Variants in FGD5 observed in about 807,000 individuals in gnomAD.
FGD5 encodes FYVE, RhoGEF and PH domain containing 5, also known as FYVE, RhoGEF and PH domain-containing protein 5.
Under a neutral mutation model 133.4 loss-of-function variants are expected in FGD5, and 28 were observed. That is an observed-to-expected ratio of 0.21 (90% CI 0.16 to 0.29). The LOEUF is 0.29. FGD5 is among the 10% of genes least tolerant of loss of function. The pLI is 1.00. For missense variants in FGD5, 1,858 were observed against 1,895.2 expected (o/e 0.98, Z 0.36); for synonymous variants, 810 against 776.5 (o/e 1.04, Z -0.72).
chr3:14,928,754 A>C (rs1205756534), intron 18 of FGD5, among the ~76,000 whole-genome samples: 1 of 152,216 alleles, frequency 6.6e-6, no homozygotes, highest in Non-Finnish European at 1.5e-5. Flanking sequence ...AAAAATAATA[A>C]TAATAATTTT....
chr3:14,826,412 C>T (rs985101987), intron 1 of FGD5, among the ~76,000 whole-genome samples: 6 of 152,100 alleles, frequency 3.9e-5, no homozygotes, highest in African/African-American at 9.7e-5. Context: ...CACCGTGGCC[C>T]GAGGAGAGCC....
chr3:14,846,256 A>T (rs971649214), intron 1 of FGD5, among the ~76,000 whole-genome samples: 13 of 151,964 alleles, frequency 8.6e-5, no homozygotes, highest in African/African-American at 3.1e-4. Flanking sequence ...GAGCCAAAAG[A>T]TTGTACTAGT....
Position 14,934,082 on chromosome 3 carries a change from CCTT to C in FGD5, c.*919_*921del, listed in dbSNP as rs1394941890. On this transcript the variant is annotated 3_prime_UTR_variant, in exon 20 of 20. Coordinates refer to ENST00000285046, the MANE Select transcript of FGD5 (RefSeq NM_152536.4). ...GACAACATTGTTTATGGGAATCTAT[CCTT>C]CTTTTAGACACACGGTAATCCTTGG... The C allele has an allele frequency of 3.3e-5, 5 of 152,218 alleles. No individual in the cohort carries two copies. Among genetic ancestry groups the C allele is most frequent in the Admixed American group, 1.3e-4 (2 of 15,280 alleles). 9.4% of individuals were successfully genotyped at this position (152,218 alleles called of 1,614,324 possible).
upstream of FGD5, among the ~76,000 whole-genome samples, chr3:14,815,793 G>C (rs1575183023): frequency 6.6e-6 from 1 of 152,196 alleles, no homozygotes. Flanking sequence ...TGGCAAAAAG[G>C]GGATGGCAGA....
At chr3:14,862,100 T>C (rs1423732694) in intron 1 of FGD5, among the ~76,000 whole-genome samples, 1 of 152,136 alleles carries the variant, frequency 6.6e-6, no homozygotes, top group Non-Finnish European at 1.5e-5. Context: ...GACGCTCACA[T>C]AGTGGCTGTG....
upstream of FGD5, among the ~76,000 whole-genome samples, chr3:14,818,658 C>G (rs1182614554): frequency 2.6e-5 from 4 of 152,234 alleles, no homozygotes; most frequent in Admixed American, 1.3e-4. Context: ...AATGAATGCA[C>G]TGACCTGGAC....
At chr3:14,872,372 G>A (rs920552748) in intron 2 of FGD5, among the ~76,000 whole-genome samples, 1 of 152,206 alleles carries the variant, frequency 6.6e-6, no homozygotes, top group African/African-American at 2.4e-5. Context: ...ATTTGGAGAA[G>A]AGACTTTATT....
intron 1 of FGD5, among the ~76,000 whole-genome samples, chr3:14,811,844 A>G (rs1325171113): frequency 6.6e-6 from 1 of 152,164 alleles, no homozygotes; most frequent in Non-Finnish European, 1.5e-5. Flanking sequence ...CTGCCTGCCA[A>G]GGAGCAATCA....
chr3:14,825,770 G>A (rs1014499507), intron 1 of FGD5, among the ~76,000 whole-genome samples: 1 of 152,138 alleles, frequency 6.6e-6, no homozygotes, highest in Non-Finnish European at 1.5e-5. Flanking sequence ...CAGATAGGCT[G>A]TCTTATGTCC....
chr3:14,906,604 G>A (rs1483947283), intron 9 of FGD5, among the ~76,000 whole-genome samples: 1 of 152,246 alleles, frequency 6.6e-6, no homozygotes, highest in African/African-American at 2.4e-5. Flanking sequence ...GTGGATGAGA[G>A]CTTGCAAGTG....
At chr3:14,897,815 A>G (rs1413184253) in intron 5 of FGD5, 124 bp from the exon 6 acceptor site, 9 of 1,465,576 alleles carry the variant, frequency 6.1e-6, no homozygotes, top group Non-Finnish European at 8.2e-6. Flanking sequence ...CTCAAAGTAA[A>G]ACAACTGTGC....
At chr3:14,891,023 A>G (rs924151576) in intron 4 of FGD5, among the ~76,000 whole-genome samples, 1 of 152,220 alleles carries the variant, frequency 6.6e-6, no homozygotes, top group Non-Finnish European at 1.5e-5. Flanking sequence ...AACCCAGCCC[A>G]GAACAAATGA....
Position 14,898,105 on chromosome 3 carries a change from T to C in FGD5, c.3066+10T>C, listed in dbSNP as rs1486432237. On this transcript the variant is annotated intron_variant, in intron 6 of 19. Coordinates refer to ENST00000285046, the MANE Select transcript of FGD5 (RefSeq NM_152536.4). Reference sequence around the variant, plus strand: ...TGTCCGTGAATTTGAGGTGGGTCCCTTGGTCCTCTGAGACCCTGCTGTAAG... The same window carrying C: ...TGTCCGTGAATTTGAGGTGGGTCCCCTGGTCCTCTGAGACCCTGCTGTAAG... 2 of 1,613,930 alleles carry C rather than the reference T, an allele frequency of 1.2e-6. No homozygotes were observed. The highest frequency in any genetic ancestry group is 1.7e-5 in the Admixed American group (1 of 60,012).
intron 4 of FGD5, among the ~76,000 whole-genome samples, chr3:14,882,837 A>C (rs900714796): frequency 7.9e-5 from 12 of 152,326 alleles, no homozygotes; most frequent in Non-Finnish European, 1.5e-4. Flanking sequence ...AGCTAGGGAC[A>C]TGAGTCTTAA....
chr3:14,884,976 C>T (rs796210036), intron 4 of FGD5, among the ~76,000 whole-genome samples: 34 of 151,944 alleles, frequency 2.2e-4, no homozygotes, highest in African/African-American at 8.2e-4. Context: ...TGCAAGCCTG[C>T]TCTGGACCGA....
chr3:14,899,535 G>A (rs965687381), intron 7 of FGD5, among the ~76,000 whole-genome samples: 1 of 152,204 alleles, frequency 6.6e-6, no homozygotes, highest in African/African-American at 2.4e-5. Context: ...GTAATTCCAG[G>A]TAGCAACTGG....
chr3:14,919,490 C>T (rs56407637), intron 13 of FGD5, among the ~76,000 whole-genome samples: 65,340 of 151,406 alleles, frequency 0.43, 15,115 homozygotes, highest in South Asian at 0.59. Flanking sequence ...TGGTGGCAGG[C>T]ACCTGTAGTC....
rs183009134 is a variant in FGD5, at chr3:14,824,976, C to T, written c.2525+3380C>T. On this transcript the variant is annotated intron_variant, in intron 1 of 19. Transcript: ENST00000285046. ...CACCACACAGAGACTTTCTACCTGG[C>T]AAAACCAGAAGAATCCAAAAGGACT... Among the ~76,000 whole-genome samples, 18 of 152,264 alleles carry T rather than the reference C, an allele frequency of 1.2e-4. No individual in the cohort carries two copies. In the East Asian group the frequency reaches 3.5e-3, roughly 29 times the overall value.
chr3:14,889,934 C>T (rs895563264), intron 4 of FGD5, among the ~76,000 whole-genome samples: 2 of 152,188 alleles, frequency 1.3e-5, no homozygotes, highest in African/African-American at 4.8e-5. Flanking sequence ...CACAAGTCCA[C>T]CTTCACATCT....
Sources: allele counts gnomAD v4.1 joint callset (sites outside exome capture counted in the v4.1 genomes callset), GRCh38; gene constraint gnomAD v4.1.1; transcripts MANE v1.5; gene names NCBI Gene and HGNC (gene_info 2026-07-23, HGNC 2026-07-21).